SNX17: variants seen among roughly 807,000 people sequenced by gnomAD.
The protein encoded by SNX17 is sorting nexin-17.
In SNX17, 35 loss-of-function variants were observed where a neutral mutation model predicts 64.3. The observed-to-expected ratio is 0.54, with a 90% CI of 0.42 to 0.72. The LOEUF (loss-of-function observed/expected upper bound fraction) is 0.72. SNX17 is among the 30% of genes least tolerant of loss of function. SNX17 has a pLI of 0.00. For synonymous variants in SNX17, 259 were observed against 230.2 expected (o/e 1.13, Z -1.13); for missense variants, 538 against 610.0 (o/e 0.88, Z 1.24).
At position 27,375,486 on chromosome 2, in the gene SNX17, A is replaced by T. The variant is rs769990489; in HGVS notation, c.775-20A>T. On this transcript the variant is annotated intron_variant, in intron 9 of 14. Transcript: ENST00000233575. This position sits in a 1 kb window ranked among gnomAD's most constrained non-coding sequence, Gnocchi z 4.1. ...CCATTCTCCCTCCTAATCTACCCCC[A>T]TGTGATGACCATTTTTCAGTTCCTG... 4.3e-6 allele frequency: 7 copies of T among 1,613,568 alleles called. No individual in the cohort carries two copies. In the Admixed American group the frequency reaches 1.0e-4, roughly 23 times the overall value.
chr2:27,374,256 C>T (rs1572634930), intron 6 of SNX17, 81 bp downstream of exon 6: 4 of 1,504,246 alleles, frequency 2.7e-6, no homozygotes, highest in East Asian at 2.3e-5. Context: ...CCCCCACCCC[C>T]AGAATGAACA....
rs529062546 is a variant in SNX17, at chr2:27,375,754, C to G, written c.978+45C>G. 23 of 1,611,596 alleles carry G rather than the reference C, an allele frequency of 1.4e-5. No homozygotes were observed. In the South Asian group the frequency reaches 2.3e-4, roughly 16 times the overall value. ...GGAAGGGCCTGGGTTGGGGGCCCGG[C>G]AAGCCTTGAGCTTAGGTATGGGCTG... On this transcript the variant is annotated intron_variant, in intron 10 of 14. Transcript: ENST00000233575. The surrounding 1 kb of genome is among the most constrained non-coding windows in gnomAD (Gnocchi z 4.1).
At chr2:27,370,918 G>C (rs1558298959) in intron 1 of SNX17, 112 bp downstream of exon 1, 1 of 1,218,820 alleles carries the variant, frequency 8.2e-7, no homozygotes, top group East Asian at 2.6e-5. Context: ...CTGGTCCTGG[G>C]CCGCCGACTC....
rs776430547 is a variant in SNX17, at chr2:27,375,940, G to A, written c.1073G>A (p.Arg358Gln). ...LAFEYLMSKD[R>Q]LQWVTITSPQ... is the part of the protein sequence containing the mutation. Reference sequence around the variant, plus strand: ...TTTGAATACCTCATGAGCAAGGACCGGCTACAGTGGGTCACCATCACTAGC... The same window carrying A: ...TTTGAATACCTCATGAGCAAGGACCAGCTACAGTGGGTCACCATCACTAGC... Residue 358 changes from arginine to glutamine, a missense_variant, in exon 11 of 15, where the codon CGG becomes CAG. This residue lies in a region of SNX17 where 505 missense variants were observed against 550.4 expected (regional missense o/e 0.92). Coordinates refer to ENST00000233575, the MANE Select transcript of SNX17 (RefSeq NM_014748.4). This position sits in a 1 kb window ranked among gnomAD's most constrained non-coding sequence, Gnocchi z 4.1. 1.7e-5 allele frequency: 27 copies of A among 1,614,002 alleles called. No homozygotes were observed. Among genetic ancestry groups the A allele is most frequent in the South Asian group, 3.3e-5 (3 of 91,082 alleles).
In SNX17 at chr2:27,376,649, GCA is replaced by G. The variant is rs1352818557; in HGVS notation, c.1346_1347del (p.Thr449ArgfsTer6). On this transcript the variant is annotated frameshift_variant, in exon 15 of 15. Transcript: ENST00000233575. LOFTEE classifies it high-confidence loss of function. ...AGCTTGCGGGGAATTGGCAGTCCCA[GCA>G]CAGATGCCAGTGCCAGTGATGTCCA... The G allele has an allele frequency of 6.2e-7, 1 of 1,614,204 alleles. No individual in the cohort carries two copies. Among genetic ancestry groups the G allele is most frequent in the East Asian group, 2.2e-5 (1 of 44,878 alleles).
Position 27,375,640 on chromosome 2 carries a change from G to A in SNX17, c.909G>A (p.Leu303=). Residue 303 remains leucine (L), a synonymous_variant, in exon 10 of 15, where the codon CTG becomes CTA. Transcript: ENST00000233575. The surrounding 1 kb of genome is among the most constrained non-coding windows in gnomAD (Gnocchi z 4.1). ...GNSELSLQLR[L]PGQQLREGSF... ...GTGAGCTCAGCCTGCAGCTCCGCCT[G>A]CCTGGCCAGCAACTCCGAGAAGGCT... The A allele has an allele frequency of 6.2e-7, 1 of 1,614,214 alleles. No individual in the cohort carries two copies. Among genetic ancestry groups the A allele is most frequent in the East Asian group, 2.2e-5 (1 of 44,884 alleles).
rs779998432 is a variant in SNX17, at chr2:27,375,576, C to T, written c.845C>T (p.Pro282Leu). ...LRFDACVADF[P>L]EKDCPVVVSA... ...TTTGATGCCTGTGTGGCTGACTTCC[C>T]AGAAAAGGACTGTCCTGTGGTGGTG... The change falls in exon 10 of 15, where the codon CCA (proline) becomes CTA (leucine). Residue 282 changes from proline (P) to leucine (L), a missense_variant. Coordinates refer to ENST00000233575, the MANE Select transcript of SNX17 (RefSeq NM_014748.4). This position sits in a 1 kb window ranked among gnomAD's most constrained non-coding sequence, Gnocchi z 4.1. The T allele has an allele frequency of 1.2e-6, 2 of 1,614,218 alleles. No homozygotes were observed. The highest frequency in any genetic ancestry group is 8.5e-7 in the Non-Finnish European group (1 of 1,180,032).
chr2:27,371,393 G>GT, intron 2 of SNX17, 50 bp downstream of exon 2: 2 of 1,570,808 alleles, frequency 1.3e-6, no homozygotes, highest in African/African-American at 2.7e-5. Flanking sequence ...TTCCCTACAC[G>GT]TGGACATCAG....
Position 27,374,187 on chromosome 2 carries a change from T to C in SNX17, c.523+12T>C. On this transcript the variant is annotated intron_variant, in intron 6 of 14. Transcript: ENST00000233575. ...TGGAGCCTTTTCTTGTGAGTTTCTC[T>C]GGACTTGACTGCAGTACAAGGGTAC... The C allele has an allele frequency of 1.9e-6, 3 of 1,611,280 alleles. No homozygotes were observed. Among genetic ancestry groups the C allele is most frequent in the Non-Finnish European group, 2.5e-6 (3 of 1,177,886 alleles).
In SNX17 at chr2:27,373,423, T is replaced by C. The variant is rs554903964; in HGVS notation, c.321+112T>C. 7 of 1,077,698 alleles carry C rather than the reference T, an allele frequency of 6.5e-6. No homozygotes were observed. The African/African-American group carries it at 9.4e-5, about 14-fold the overall frequency. 66.8% of individuals were successfully genotyped at this position (1,077,698 alleles called of 1,614,324 possible). A position where few individuals can be genotyped will look rare whatever the true frequency, so the allele number is the denominator to read the frequency against. ...TTTTGCACAGGCTGGAGTGCAGTGGTGCGATCTCAGCTCACTGCAATCTCC... is the reference window on the plus strand; with the variant it reads ...TTTTGCACAGGCTGGAGTGCAGTGGCGCGATCTCAGCTCACTGCAATCTCC... On this transcript the variant is annotated intron_variant, in intron 4 of 14. Transcript: ENST00000233575.
Position 27,375,432 on chromosome 2 carries a change from C to T in SNX17, c.775-74C>T. 1 of 1,543,488 alleles carries T rather than the reference C, an allele frequency of 6.5e-7. No individual in the cohort carries two copies. On this transcript the variant is annotated intron_variant, in intron 9 of 14. Coordinates refer to ENST00000233575, the MANE Select transcript of SNX17 (RefSeq NM_014748.4). The surrounding 1 kb of genome is among the most constrained non-coding windows in gnomAD (Gnocchi z 4.1). ...GGATTATAGGCATGAGCCACCGCGC[C>T]CGACCGGGGTTGCTTTTTCTGAGCT...
chr2:27,372,491 T>G, intron 2 of SNX17, 132 bp from the exon 3 acceptor site: 1 of 1,278,760 alleles, frequency 7.8e-7, no homozygotes, highest in Non-Finnish European at 1.1e-6. Context: ...GTTTCTCAGA[T>G]GACCAGGGTA....
rs770831130 is a variant in SNX17 at position 27,376,331 on chromosome 2, G to A, written c.1201G>A (p.Gly401Arg). 3 of 1,612,028 alleles carry A rather than the reference G, an allele frequency of 1.9e-6. No individual in the cohort carries two copies. ...SIRKMLRRRV[G>R]GTLRRSDSQQ... is the part of the protein sequence containing the mutation. ...TCCCCAGATGCTGCGCCGGCGGGTG[G>A]GGGGTACTCTGAGACGCTCAGACAG... Residue 401 changes from glycine (G) to arginine (R), a missense_variant, in exon 13 of 15, where the codon GGG (glycine) becomes AGG (arginine). Gly to Arg is a moderately radical substitution (Grantham distance 125, BLOSUM62 -2). Coordinates refer to ENST00000233575, the MANE Select transcript of SNX17 (RefSeq NM_014748.4).
chr2:27,373,457 G>A, intron 4 of SNX17, 146 bp downstream of exon 4: 1 of 724,584 alleles, frequency 1.4e-6, no homozygotes, highest in South Asian at 1.8e-5. Flanking sequence ...CCGCCTCCCG[G>A]ATTCAAGCGA....
In SNX17 at chr2:27,376,692, C is replaced by T. The variant is rs143545698; in HGVS notation, c.1386C>T (p.Phe462=). Residue 462 remains phenylalanine, a synonymous_variant, in exon 15 of 15, where the codon TTC becomes TTT. Transcript: ENST00000233575. ...SASDVHGNFA[F]EGIGDEDL ...GTGATGTCCACGGCAATTTCGCCTT[C>T]GAGGGCATTGGAGATGAGGATCTGT... is the stretch of plus-strand genomic sequence containing the variant. The T allele has an allele frequency of 4.3e-5, 70 of 1,614,166 alleles. No homozygotes were observed. The African/African-American group carries it at 7.6e-4, about 18-fold the overall frequency.
rs1312736685 is a variant in SNX17 at position 27,373,246 on chromosome 2, G to T, written c.257-1G>T. 6.2e-7 allele frequency: 1 copy of T among 1,614,194 alleles called. No individual in the cohort carries two copies. The highest frequency in any genetic ancestry group is 1.1e-5 in the South Asian group (1 of 91,092). The stretch of plus-strand genomic sequence containing the variant: ...GTAATAATGTTCTCTTGTCCTCGTA[G>T]TTCGGCAAGACCCATTGCTTGGGAG... On this transcript the variant is annotated splice_acceptor_variant, in intron 3 of 14. Transcript: ENST00000233575. LOFTEE classifies it high-confidence loss of function.
chr2:27,376,657 G>T lies in SNX17; in HGVS notation c.1351G>T (p.Ala451Ser). The change falls in exon 15 of 15, where the codon GCC becomes TCC. Residue 451 changes from alanine to serine, a missense_variant. Ala to Ser is a moderately conservative substitution (Grantham distance 99). Transcript: ENST00000233575. ...LRGIGSPSTDASASDVHGNFA... is the reference protein window; with the variant it reads ...LRGIGSPSTDSSASDVHGNFA... ...GGGAATTGGCAGTCCCAGCACAGAT[G>T]CCAGTGCCAGTGATGTCCACGGCAA... 1 of 1,614,202 alleles carries T rather than the reference G, an allele frequency of 6.2e-7. No individual in the cohort carries two copies. Among genetic ancestry groups the T allele is most frequent in the Non-Finnish European group, 8.5e-7 (1 of 1,180,030 alleles).
intron 3 of SNX17, chr2:27,372,962 C>G (rs1572630732): frequency 1.0e-5 from 14 of 1,333,800 alleles, no homozygotes; most frequent in Non-Finnish European, 1.5e-5. Flanking sequence ...ACTAGTATAA[C>G]ACTAGTCTTA....
rs776517615 is a variant in SNX17 at position 27,376,101 on chromosome 2, C to G, written c.1105-5C>G. 2 of 1,614,028 alleles carry G rather than the reference C, an allele frequency of 1.2e-6. No individual in the cohort carries two copies. Among genetic ancestry groups the G allele is most frequent in the African/African-American group, 2.7e-5 (2 of 74,908 alleles). On this transcript the variant is annotated splice_region_variant and splice_polypyrimidine_tract_variant and intron_variant, in intron 11 of 14. Transcript: ENST00000233575. The stretch of plus-strand genomic sequence containing the variant: ...CATCAAGCTGGACACTCTTCTTGCC[C>G]TCAGGCTATCATGATGAGCATCTGC...
Sources: allele counts gnomAD v4.1 joint callset, GRCh38; gene constraint gnomAD v4.1.1; regional missense constraint gnomAD v4.1.1; non-coding constraint Gnocchi (gnomAD v3.1); transcripts MANE v1.5; gene names NCBI Gene and HGNC (gene_info 2026-07-23, HGNC 2026-07-21).